ETS2: variants seen among roughly 807,000 people sequenced by gnomAD.
ETS2 encodes ETS proto-oncogene 2, transcription factor, also known as protein C-ets-2.
ETS2 carries 19 observed loss-of-function variants against 54.9 expected under a neutral mutation model. The ratio of observed to expected loss-of-function variants is 0.35; its 90% CI spans 0.24 to 0.51. The LOEUF (loss-of-function observed/expected upper bound fraction) is 0.51, where lower values mean the gene tolerates loss of function less well. ETS2 is among the 20% of genes least tolerant of loss of function. The pLI is 0.97. For synonymous variants in ETS2, 219 were observed against 229.3 expected (o/e 0.95, Z 0.41); for missense variants, 417 against 593.0 (o/e 0.70, Z 3.08).
chr21:38,809,723 C>T (rs1351757281), intron 1 of ETS2: 1 of 276,482 alleles, frequency 3.6e-6, no homozygotes, highest in African/African-American at 2.3e-5. Flanking sequence ...CCCTCTTGCC[C>T]TGCTAACCCA....
chr21:38,810,917 G>C (rs1473154981), intron 2 of ETS2, among the ~76,000 whole-genome samples: 1 of 152,182 alleles, frequency 6.6e-6, no homozygotes, highest in Non-Finnish European at 1.5e-5. Flanking sequence ...GCAAAACTCA[G>C]CACAGTCCTT....
At position 38,823,804 on chromosome 21, in the gene ETS2, G is replaced by A. The variant is rs1282730681; in HGVS notation, c.*915G>A. 6.6e-6 allele frequency: 1 copy of A among 152,476 alleles called. No individual in the cohort carries two copies. Among genetic ancestry groups the A allele is most frequent in the Non-Finnish European group, 1.5e-5 (1 of 68,008 alleles). The allele number at this position is 152,476 out of a possible 1,614,324, so 9.4% of individuals were successfully genotyped here. A position where few individuals can be genotyped will look rare whatever the true frequency, so the allele number is the denominator to read the frequency against. ...AAAGCAGTATTTTTCTTGACAAATG[G>A]CATATGTTTTCCACTTCTTTGCATG... is the stretch of plus-strand genomic sequence containing the variant. On this transcript the variant is annotated 3_prime_UTR_variant, in exon 10 of 10. Transcript: ENST00000360938.
rs1195947678 is a variant in ETS2, at chr21:38,824,744, T to C, written c.*1855T>C. 1 of 152,622 alleles carries C rather than the reference T, an allele frequency of 6.6e-6. No homozygotes were observed. The highest frequency in any genetic ancestry group is 1.5e-5 in the Non-Finnish European group (1 of 68,032). The allele number at this position is 152,622 out of a possible 1,614,324, so 9.5% of individuals were successfully genotyped here. A position where few individuals can be genotyped will look rare whatever the true frequency, so the allele number is the denominator to read the frequency against. ...TTGCTGCCAAAAGAATCCTAGGCAG[T>C]GGCTCATTGTATGTGAGGTTGAACC... is the stretch of plus-strand genomic sequence containing the variant. On this transcript the variant is annotated 3_prime_UTR_variant, in exon 10 of 10. Transcript: ENST00000360938.
At chr21:38,822,647 A>T in intron 9 of ETS2, 27 bp from the exon 10 acceptor site, 1 of 1,580,828 alleles carries the variant, frequency 6.3e-7, no homozygotes, top group Non-Finnish European at 8.7e-7. Context: ...ATTGAGTTTA[A>T]CTCTTTTCCA....
At chr21:38,815,109 T>C in intron 5 of ETS2, 128 bp downstream of exon 5, 1 of 810,774 alleles carries the variant, frequency 1.2e-6, no homozygotes, top group East Asian at 2.5e-5. Context: ...GTACCTTGCC[T>C]CAAAATGCCA....
intron 1 of ETS2, 176 bp from the exon 2 acceptor site, chr21:38,809,859 T>A (rs996862840): frequency 1.5e-5 from 8 of 542,012 alleles, no homozygotes; most frequent in Non-Finnish European, 2.3e-5. Context: ...TACTGAGAAA[T>A]GCTTTCCTCT....
At chr21:38,822,553 G>A (rs923691653) in intron 9 of ETS2, 121 bp from the exon 10 acceptor site, 35 of 828,298 alleles carry the variant, frequency 4.2e-5, no homozygotes, top group Admixed American at 5.0e-5. Flanking sequence ...CGGACCTTGT[G>A]TAGGTGTCAA....
chr21:38,823,116 T>G lies in ETS2; in HGVS notation c.*227T>G. The G allele has an allele frequency of 2.6e-6, 1 of 386,808 alleles. No homozygotes were observed. Among genetic ancestry groups the G allele is most frequent in the African/African-American group, 2.1e-5 (1 of 48,394 alleles). 24.0% of individuals were successfully genotyped at this position (386,808 alleles called of 1,614,324 possible). On this transcript the variant is annotated 3_prime_UTR_variant, in exon 10 of 10. Transcript: ENST00000360938. The stretch of plus-strand genomic sequence containing the variant: ...TACTCACAGTGCTTTTAAGTGAAAA[T>G]GGTCGAGAAAGAGGCACCAGGAAGC...
At chr21:38,810,307 T>G (rs559194996) in intron 2 of ETS2, among the ~76,000 whole-genome samples, 55 of 152,344 alleles carry the variant, frequency 3.6e-4, no homozygotes, top group African/African-American at 1.3e-3. Context: ...TGTGTGTTGT[T>G]CTTCTCCTCC....
chr21:38,807,417 CTT>C (rs369913456), intron 1 of ETS2, among the ~76,000 whole-genome samples: 15,872 of 133,318 alleles, frequency 0.12, 776 homozygotes, highest in African/African-American at 0.15. Context: ...GCTCTTTATC[CTT>C]TTTTTTTTTT....
In ETS2 at chr21:38,805,939, T is replaced by C; in HGVS notation, c.-182T>C. 7.9e-7 allele frequency: 1 copy of C among 1,266,808 alleles called. No individual in the cohort carries two copies. 78.5% of individuals were successfully genotyped at this position (1,266,808 alleles called of 1,614,324 possible). ...CGTGGGGGACGGCCCGGTTACTTCC[T>C]CCAGAGACTGACGAGTGCGGTGTCG... is the stretch of plus-strand genomic sequence containing the variant. On this transcript the variant is annotated 5_prime_UTR_variant, in exon 1 of 10. Coordinates refer to ENST00000360938, the MANE Select transcript of ETS2 (RefSeq NM_005239.6). This position sits in a 1 kb window ranked among gnomAD's most constrained non-coding sequence, Gnocchi z 5.2.
At chr21:38,817,172 T>C in intron 6 of ETS2, 81 bp downstream of exon 6, 1 of 897,072 alleles carries the variant, frequency 1.1e-6, no homozygotes, top group Non-Finnish European at 1.8e-6. Flanking sequence ...TGTAGGCTCC[T>C]AAGGGGCCAC....
In ETS2 at chr21:38,822,906, C is replaced by T. The variant is rs1471046923; in HGVS notation, c.*17C>T. Reference sequence around the variant, plus strand: ...GAGGACTGAGGTCGCCGGGACCACCCTGAGCCGGCCCCAGGCTCGTGGACT... The same window carrying T: ...GAGGACTGAGGTCGCCGGGACCACCTTGAGCCGGCCCCAGGCTCGTGGACT... On this transcript the variant is annotated 3_prime_UTR_variant, in exon 10 of 10. Coordinates refer to ENST00000360938, the MANE Select transcript of ETS2 (RefSeq NM_005239.6). 6.5e-7 allele frequency: 1 copy of T among 1,538,364 alleles called. No individual in the cohort carries two copies. The highest frequency in any genetic ancestry group is 1.3e-5 in the South Asian group (1 of 79,962).
intron 6 of ETS2, 126 bp downstream of exon 6, chr21:38,817,217 G>C: frequency 1.6e-6 from 1 of 626,236 alleles, no homozygotes; most frequent in Non-Finnish European, 2.8e-6. Context: ...GGCCACACGT[G>C]GGTGTTGAGC....
chr21:38,822,585 C>T, intron 9 of ETS2, 89 bp from the exon 10 acceptor site: 1 of 1,185,002 alleles, frequency 8.4e-7, no homozygotes, highest in East Asian at 2.5e-5. Context: ...AGTGAACATG[C>T]CTCAGAATCA....
Position 38,814,998 on chromosome 21 carries a change from T to G in ETS2, c.505+17T>G. The G allele has an allele frequency of 6.2e-6, 10 of 1,610,910 alleles. No homozygotes were observed. The highest frequency in any genetic ancestry group is 8.5e-6 in the Non-Finnish European group (10 of 1,177,144). On this transcript the variant is annotated intron_variant, in intron 5 of 9. Coordinates refer to ENST00000360938, the MANE Select transcript of ETS2 (RefSeq NM_005239.6). The surrounding 1 kb of genome is among the most constrained non-coding windows in gnomAD (Gnocchi z 4.2). ...TGATCAAAGGTACCAGCTGAACGTC[T>G]TACTTCTCCTTGTCCAGGATGAGCT... is the stretch of plus-strand genomic sequence containing the variant.
At chr21:38,805,919 G>A, upstream of ETS2, 2 of 1,246,342 alleles carry the variant, frequency 1.6e-6, no homozygotes, top group South Asian at 1.3e-5. This position sits in a 1 kb window ranked among gnomAD's most constrained non-coding sequence, Gnocchi z 5.2. Flanking sequence ...CGCCGCGTGG[G>A]GGACGGCCCG....
Position 38,810,102 on chromosome 21 carries a change from T to G in ETS2, c.68T>G (p.Leu23Arg). ...GTGGCTAACAGTTACAGAGGGACAC[T>G]CAAGGTGAGTGGGCAAGTCTTAATT... ...APVANSYRGT[L>R]KRQPAFDTFD... Residue 23 changes from leucine (L) to arginine (R), a missense_variant, in exon 2 of 10, where the codon CTC becomes CGC. By Grantham distance (102) the Leu-to-Arg change is moderately radical (BLOSUM62 -2). Coordinates refer to ENST00000360938, the MANE Select transcript of ETS2 (RefSeq NM_005239.6). 1 of 1,526,030 alleles carries G rather than the reference T, an allele frequency of 6.6e-7. No homozygotes were observed. Among genetic ancestry groups the G allele is most frequent in the Non-Finnish European group, 8.8e-7 (1 of 1,142,098 alleles). 94.5% of individuals were successfully genotyped at this position (1,526,030 alleles called of 1,614,324 possible).
In ETS2 at chr21:38,808,075, C is replaced by T. The variant is rs573587890; in HGVS notation, c.-1+1955C>T. 2.0e-5 allele frequency among the ~76,000 whole-genome samples: 3 copies of T among 152,112 alleles called. No homozygotes were observed. In the South Asian group the frequency reaches 6.2e-4, roughly 32 times the overall value. Reference sequence around the variant, plus strand: ...TCCATTCCTCATCATTCATGTTCTCCCGGCACAGAGGACTGTGTGGAGGAC... The same window carrying T: ...TCCATTCCTCATCATTCATGTTCTCTCGGCACAGAGGACTGTGTGGAGGAC... On this transcript the variant is annotated intron_variant, in intron 1 of 9. Transcript: ENST00000360938.
Sources: gnomAD v4.1 joint callset for allele counts (sites outside exome capture counted in the v4.1 genomes callset) on GRCh38, gnomAD v4.1.1 for gene constraint, Gnocchi (gnomAD v3.1) non-coding constraint, MANE v1.5 for transcripts, NCBI Gene and HGNC (gene_info 2026-07-23, HGNC 2026-07-21) for gene names.